Variants in IKBKB-DT observed in about 807,000 individuals in gnomAD.
IKBKB-DT encodes the protein IKBKB antisense RNA.
At chr8:42,265,107 C>T (rs1807352977) in intron 2 of IKBKB-DT, among the ~76,000 whole-genome samples, 1 of 152,174 alleles carries the variant, frequency 6.6e-6, no homozygotes. Flanking sequence ...AGGTGATCCA[C>T]CCCACTCGGC....
intron 1 of IKBKB-DT, among the ~76,000 whole-genome samples, chr8:42,269,664 A>AG (rs1807492520): frequency 6.6e-6 from 1 of 151,080 alleles, no homozygotes; most frequent in Admixed American, 6.6e-5. Context: ...GAGAAAGGAG[A>AG]GGGAAGAGGG....
chr8:42,251,356 C>G (rs1585463896), intron 3 of IKBKB-DT, among the ~76,000 whole-genome samples: 2 of 152,192 alleles, frequency 1.3e-5, no homozygotes, highest in Admixed American at 1.3e-4. Flanking sequence ...AAACTGATAC[C>G]TGATTTGCTA....
intron 3 of IKBKB-DT, among the ~76,000 whole-genome samples, chr8:42,240,372 C>T (rs901707463): frequency 1.3e-5 from 2 of 151,924 alleles, no homozygotes; most frequent in African/African-American, 4.8e-5. Context: ...CACCTGCAAT[C>T]CCAGCACTTT....
intron 1 of IKBKB-DT, among the ~76,000 whole-genome samples, chr8:42,268,601 C>A (rs1253851954): frequency 6.7e-6 from 1 of 148,730 alleles, no homozygotes; most frequent in Non-Finnish European, 1.5e-5. Flanking sequence ...GAGTCTCGCT[C>A]TGTCGCCCAC....
chr8:42,262,737 C>A (rs1275914389), intron 3 of IKBKB-DT, among the ~76,000 whole-genome samples: 2 of 151,316 alleles, frequency 1.3e-5, no homozygotes, highest in African/African-American at 2.4e-5. Context: ...CCATGCCTGG[C>A]CTATTTTTTT....
chr8:42,268,129 ATTTTTT>A (rs541093630), intron 1 of IKBKB-DT, among the ~76,000 whole-genome samples: 1 of 130,382 alleles, frequency 7.7e-6, no homozygotes, highest in Middle Eastern at 3.9e-3. Flanking sequence ...GTGCTCAATA[ATTTTTT>A]TTTTTTTTTT....
intron 3 of IKBKB-DT, among the ~76,000 whole-genome samples, chr8:42,240,378 A>C (rs1806984537): frequency 6.6e-6 from 1 of 152,008 alleles, no homozygotes; most frequent in Non-Finnish European, 1.5e-5. Context: ...CAATCCCAGC[A>C]CTTTGGGAGG....
At chr8:42,267,004 G>GTTTTTTTTTT (rs527900913) in intron 1 of IKBKB-DT, among the ~76,000 whole-genome samples, 1 of 125,606 alleles carries the variant, frequency 8.0e-6, no homozygotes, top group Non-Finnish European at 1.6e-5. Flanking sequence ...TTTTTTTTTT[G>GTTTTTTTTTT]TTTTTTTTTT....
At chr8:42,262,392 T>A (rs1807301816) in intron 3 of IKBKB-DT, among the ~76,000 whole-genome samples, 1 of 151,508 alleles carries the variant, frequency 6.6e-6, no homozygotes, top group Non-Finnish European at 1.5e-5. Context: ...CTGACTGACA[T>A]CACACAGATC....
intron 3 of IKBKB-DT, among the ~76,000 whole-genome samples, chr8:42,237,036 TA>T (rs1383148509): frequency 6.6e-6 from 1 of 151,676 alleles, no homozygotes; most frequent in African/African-American, 2.4e-5. Flanking sequence ...GTTGTTTTTT[TA>T]AAAAACACCC....
At chr8:42,252,639 T>A (rs564997168) in intron 3 of IKBKB-DT, among the ~76,000 whole-genome samples, 3 of 152,184 alleles carry the variant, frequency 2.0e-5, no homozygotes, top group African/African-American at 7.2e-5. Context: ...TGTGCTGGGA[T>A]TACAGGCGTG....
At chr8:42,237,767 G>T (rs1214811823) in intron 3 of IKBKB-DT, among the ~76,000 whole-genome samples, 1 of 151,896 alleles carries the variant, frequency 6.6e-6, no homozygotes, top group Non-Finnish European at 1.5e-5. Flanking sequence ...GCTCACACCT[G>T]TAACCCAGCA....
At chr8:42,249,000 T>C (rs1030326520) in intron 3 of IKBKB-DT, 1 of 152,176 alleles carries the variant, frequency 6.6e-6, no homozygotes, top group African/African-American at 2.4e-5. Flanking sequence ...TTTACACTGG[T>C]TCATTTGAAA....
chr8:42,245,929 T>A (rs560796081), intron 3 of IKBKB-DT, among the ~76,000 whole-genome samples: 11 of 152,292 alleles, frequency 7.2e-5, no homozygotes, highest in African/African-American at 2.6e-4. Context: ...TTGGAAACAA[T>A]CATAAACAGG....
At chr8:42,246,787 C>T (rs1318322716) in intron 3 of IKBKB-DT, among the ~76,000 whole-genome samples, 1 of 152,172 alleles carries the variant, frequency 6.6e-6, no homozygotes, top group Non-Finnish European at 1.5e-5. Context: ...AGTCCCTAAA[C>T]TTTTCGGCAC....
At chr8:42,263,498 G>T (rs1807319291) in intron 2 of IKBKB-DT, 1 of 152,154 alleles carries the variant, frequency 6.6e-6, no homozygotes, top group Non-Finnish European at 1.5e-5. Context: ...AGATTAAGAA[G>T]AGAAAGACAA....
chr8:42,266,985 TTTTG>T (rs1377227094), intron 1 of IKBKB-DT, among the ~76,000 whole-genome samples: 2 of 150,072 alleles, frequency 1.3e-5, no homozygotes, highest in African/African-American at 2.5e-5. Flanking sequence ...TACCTTCTTT[TTTTG>T]TTTGTTTTTT....
intron 2 of IKBKB-DT, among the ~76,000 whole-genome samples, chr8:42,264,912 G>T (rs1807350327): frequency 6.6e-6 from 1 of 151,252 alleles, no homozygotes; most frequent in South Asian, 2.1e-4. Context: ...ACCCAGGCTG[G>T]AGTGCAATGG....
chr8:42,248,722 T>C (rs1413614676), intron 3 of IKBKB-DT, among the ~76,000 whole-genome samples: 1 of 151,578 alleles, frequency 6.6e-6, no homozygotes, highest in Non-Finnish European at 1.5e-5. Context: ...CTACTGAAAA[T>C]ACAAAAAGTG....
Sources: gnomAD v4.1 joint callset for allele counts (sites outside exome capture counted in the v4.1 genomes callset) on GRCh38, gnomAD v4.1.1 for gene constraint, MANE v1.5 for transcripts, NCBI Gene and HGNC (gene_info 2026-07-23, HGNC 2026-07-21) for gene names.